Variants in ITIH2 observed in about 807,000 individuals in gnomAD.
ITIH2 encodes the protein inter-alpha-trypsin inhibitor heavy chain 2, also known as inter-alpha-trypsin inhibitor heavy chain H2.
In ITIH2, 103 loss-of-function variants were observed where a neutral mutation model predicts 104.4. That is an observed-to-expected ratio of 0.99 (90% CI 0.84 to 1.16). The LOEUF is 1.16. Ranked by LOEUF, ITIH2 falls within the 50% of genes most tolerant of loss-of-function variation. The probability of loss-of-function intolerance (pLI) is 0.00; values close to 1 mark genes in which losing one functional copy is unlikely to be tolerated. For synonymous variants in ITIH2, 436 were observed against 435.4 expected (o/e 1.00, Z -0.02); for missense variants, 1,108 against 1,162.4 (o/e 0.95, Z 0.68).
intron 4 of ITIH2, among the ~76,000 whole-genome samples, chr10:7,712,131 G>A (rs947362200): frequency 2.6e-5 from 4 of 152,114 alleles, no homozygotes; most frequent in Non-Finnish European, 2.9e-5. Flanking sequence ...CATCAGCTCC[G>A]GCTGCTATGA....
At chr10:7,728,340 C>A (rs947626506) in intron 11 of ITIH2, among the ~76,000 whole-genome samples, 7 of 152,168 alleles carry the variant, frequency 4.6e-5, no homozygotes, top group African/African-American at 1.7e-4. Context: ...GCAGCAACAT[C>A]TCCCTACTTC....
intron 8 of ITIH2, among the ~76,000 whole-genome samples, chr10:7,723,154 G>A (rs1246321085): frequency 6.6e-6 from 1 of 151,574 alleles, no homozygotes; most frequent in African/African-American, 2.4e-5. Context: ...GTGGCGTGGC[G>A]TGGAGTGGTG....
At chr10:7,720,462 A>G (rs1189194257) in intron 6 of ITIH2, among the ~76,000 whole-genome samples, 4 of 152,220 alleles carry the variant, frequency 2.6e-5, no homozygotes, top group African/African-American at 9.6e-5. Context: ...ACAACCCAAG[A>G]TTTGGGGAAA....
intron 4 of ITIH2, among the ~76,000 whole-genome samples, chr10:7,711,873 A>T (rs969475534): frequency 2.0e-5 from 3 of 152,226 alleles, no homozygotes; most frequent in Non-Finnish European, 4.4e-5. Context: ...TGCCCATTTG[A>T]GTACTGGAAG....
intron 20 of ITIH2, 67 bp from the exon 21 acceptor site, chr10:7,749,120 A>G (rs1048797885): frequency 1.3e-6 from 2 of 1,510,154 alleles, no homozygotes; most frequent in Admixed American, 1.8e-5. Flanking sequence ...AACAGCAAGG[A>G]AAAGAGGGAG....
At chr10:7,709,523 C>T (rs987247149) in intron 4 of ITIH2, among the ~76,000 whole-genome samples, 95 of 151,970 alleles carry the variant, frequency 6.3e-4, no homozygotes, top group African/African-American at 2.2e-3. Flanking sequence ...AGAGCGTGTG[C>T]ACAGCAGGTC....
chr10:7,707,047 A>G (rs1432925955), intron 2 of ITIH2, among the ~76,000 whole-genome samples, 154 bp from the exon 3 acceptor site: 1 of 152,224 alleles, frequency 6.6e-6, no homozygotes, highest in East Asian at 1.9e-4. Context: ...AGTTTTCAAG[A>G]ATATTCAATA....
intron 3 of ITIH2, 79 bp from the exon 4 acceptor site, chr10:7,708,943 T>C (rs1347423094): frequency 7.5e-6 from 9 of 1,203,936 alleles, no homozygotes; most frequent in African/African-American, 1.5e-5. Context: ...GTAGTGTTGT[T>C]AACATCAAAT....
Position 7,732,478 on chromosome 10 carries a change from G to T in ITIH2, c.1787+1G>T, listed in dbSNP as rs1192318557. Reference sequence around the variant, plus strand: ...CCATCAACCAACTGCTAGCTGAACGGTAAGAAGAGAAGAGTACCCACACCA... The same window carrying T: ...CCATCAACCAACTGCTAGCTGAACGTTAAGAAGAGAAGAGTACCCACACCA... On this transcript the variant is annotated splice_donor_variant, in intron 14 of 20. Transcript: ENST00000358415. LOFTEE classifies it high-confidence loss of function. 2 of 1,612,878 alleles carry T rather than the reference G, an allele frequency of 1.2e-6. No homozygotes were observed. The highest frequency in any genetic ancestry group is 3.3e-5 in the Admixed American group (2 of 59,996).
At chr10:7,724,524 C>T (rs560228560) in intron 9 of ITIH2, among the ~76,000 whole-genome samples, 101 of 141,580 alleles carry the variant, frequency 7.1e-4, no homozygotes, top group African/African-American at 2.5e-3. Context: ...GAGCAGAGAT[C>T]GCGCCATTGC....
chr10:7,736,272 C>T (rs7078454), intron 15 of ITIH2, among the ~76,000 whole-genome samples: 73,804 of 151,928 alleles, frequency 0.49, 20,498 homozygotes, highest in Non-Finnish European at 0.64. Context: ...GAGGCTGAGG[C>T]GGGAGGATTG....
intron 4 of ITIH2, 89 bp downstream of exon 4, chr10:7,709,280 A>C: frequency 8.2e-7 from 1 of 1,225,132 alleles, no homozygotes; most frequent in Non-Finnish European, 1.2e-6. Context: ...TTTAGTGGTC[A>C]ACTGTCCCAG....
intron 10 of ITIH2, 47 bp from the exon 11 acceptor site, chr10:7,727,656 G>T (rs201613595): frequency 4.4e-6 from 7 of 1,599,290 alleles, no homozygotes; most frequent in Non-Finnish European, 5.1e-6. Context: ...GATTTTCTGC[G>T]TGTGGCGAGA....
intron 2 of ITIH2, among the ~76,000 whole-genome samples, chr10:7,705,692 A>G (rs369346331): frequency 7.5e-4 from 82 of 108,836 alleles, no homozygotes; most frequent in African/African-American, 2.8e-3. Flanking sequence ...CGCTGTCCCC[A>G]CTCCATTTAA....
chr10:7,718,385 C>T (rs573874601), intron 6 of ITIH2, among the ~76,000 whole-genome samples: 1 of 152,330 alleles, frequency 6.6e-6, no homozygotes, highest in South Asian at 2.1e-4. Flanking sequence ...TCTACATTCA[C>T]AGGTTCCAGA....
chr10:7,748,295 C>T (rs28522225), intron 20 of ITIH2, among the ~76,000 whole-genome samples: 32 of 147,744 alleles, frequency 2.2e-4, no homozygotes, highest in African/African-American at 7.4e-4. Context: ...TGCTGGGCCT[C>T]GATTTGGTCC....
chr10:7,740,315 C>T (rs1270257982), intron 16 of ITIH2, among the ~76,000 whole-genome samples: 1 of 152,204 alleles, frequency 6.6e-6, no homozygotes, highest in Non-Finnish European at 1.5e-5. Context: ...GCTGGTAGCA[C>T]TTTGTACAAC....
chr10:7,727,753 G>A lies in ITIH2; in HGVS notation c.1204G>A (p.Ala402Thr), dbSNP rs150505580. 1.9e-6 allele frequency: 3 copies of A among 1,614,024 alleles called. No homozygotes were observed. Among genetic ancestry groups the A allele is most frequent in the Non-Finnish European group, 2.5e-6 (3 of 1,179,990 alleles). The change falls in exon 11 of 21, where the codon GCC (alanine) becomes ACC (threonine). Residue 402 changes from alanine (A) to threonine (T), a missense_variant. Physicochemically the swap from Ala to Thr is moderately conservative, Grantham distance 58 (BLOSUM62 0). Coordinates refer to ENST00000358415, the MANE Select transcript of ITIH2 (RefSeq NM_002216.3). The part of the protein sequence containing the change: ...LLRAIFILNE[A>T]NNLGLLDPNS... Reference sequence around the variant, plus strand: ...ACGGGCAATCTTCATTTTGAATGAAGCCAATAACTTGGGACTGTTAGACCC... The same window carrying A: ...ACGGGCAATCTTCATTTTGAATGAAACCAATAACTTGGGACTGTTAGACCC...
At chr10:7,717,215 G>C (rs561760610) in intron 5 of ITIH2, among the ~76,000 whole-genome samples, 1 of 152,256 alleles carries the variant, frequency 6.6e-6, no homozygotes, top group East Asian at 1.9e-4. Context: ...GCCTCCCAAA[G>C]TGCTGGGATT....
Sources: gnomAD v4.1 joint callset for allele counts (sites outside exome capture counted in the v4.1 genomes callset) on GRCh38, gnomAD v4.1.1 for gene constraint, MANE v1.5 for transcripts, NCBI Gene and HGNC (gene_info 2026-07-23, HGNC 2026-07-21) for gene names.